ZMYM6: variants seen among roughly 807,000 people sequenced by gnomAD.
ZMYM6 encodes the protein zinc finger MYM-type containing 6.
Under a neutral mutation model 134.0 loss-of-function variants are expected in ZMYM6, and 90 were observed. That is an observed-to-expected ratio of 0.67 (90% CI 0.57 to 0.80). ZMYM6 has a LOEUF of 0.80. Ranked by LOEUF, ZMYM6 falls within the 30% of genes least tolerant of loss-of-function variation. The pLI, the probability that ZMYM6 is intolerant of heterozygous loss-of-function variation, is 0.00. For missense variants in ZMYM6, 1,362 were observed against 1,533.9 expected (o/e 0.89, Z 1.87); for synonymous variants, 481 against 524.1 (o/e 0.92, Z 1.12).
intron 14 of ZMYM6, among the ~76,000 whole-genome samples, chr1:35,002,147 A>G (rs1640892104): frequency 6.6e-6 from 1 of 152,202 alleles, no homozygotes; most frequent in African/African-American, 2.4e-5. Flanking sequence ...TGTTCTTCTA[A>G]TTCTAGCAAG....
chr1:35,002,814 A>C (rs1640901892), intron 14 of ZMYM6, among the ~76,000 whole-genome samples: 1 of 152,150 alleles, frequency 6.6e-6, no homozygotes, highest in South Asian at 2.1e-4. Flanking sequence ...TTAATATAAC[A>C]CTTAAATGGC....
chr1:35,026,877 G>C (rs1641423741), intron 2 of ZMYM6, among the ~76,000 whole-genome samples: 1 of 152,150 alleles, frequency 6.6e-6, no homozygotes, highest in Non-Finnish European at 1.5e-5. Flanking sequence ...ACCAATTTCT[G>C]ACTTCAGAGA....
chr1:35,006,435 T>G (rs879760699), intron 12 of ZMYM6, among the ~76,000 whole-genome samples: 18 of 152,236 alleles, frequency 1.2e-4, no homozygotes, highest in African/African-American at 4.1e-4. Context: ...AAAATTATTT[T>G]ATTCTTAGCT....
At chr1:34,994,201 C>T (rs1640735810) in intron 14 of ZMYM6, among the ~76,000 whole-genome samples, 1 of 152,010 alleles carries the variant, frequency 6.6e-6, no homozygotes, top group Non-Finnish European at 1.5e-5. Flanking sequence ...TCATATGAGC[C>T]TTACATTCTA....
intron 15 of ZMYM6, chr1:34,989,682 C>A (rs1640635993): frequency 6.6e-6 from 1 of 151,852 alleles, no homozygotes; most frequent in African/African-American, 2.4e-5. Flanking sequence ...GGGCAGATCA[C>A]CTGAGGTCAG....
At chr1:34,990,521 G>T (rs1029901355) in intron 15 of ZMYM6, among the ~76,000 whole-genome samples, 6 of 151,958 alleles carry the variant, frequency 3.9e-5, no homozygotes, top group African/African-American at 9.7e-5. Context: ...GATAGTCTTT[G>T]AATCAACACT....
chr1:34,990,350 G>T (rs962809518), intron 15 of ZMYM6: 16 of 230,490 alleles, frequency 6.9e-5, no homozygotes, highest in African/African-American at 3.6e-4. Flanking sequence ...GGGCATGGTG[G>T]CAGGTGCCTG....
At position 34,988,035 on chromosome 1, in the gene ZMYM6, C is replaced by A; in HGVS notation, c.3047G>T (p.Arg1016Leu). The change falls in exon 16 of 16, where the codon CGT becomes CTT. Residue 1016 changes from arginine to leucine, a missense_variant. Transcript: ENST00000357182. ...TGGAGACAACTTTTCTGCCACTAAA[C>A]GTTCACGGTGAATAAAACAATGTGT... ...AFTHCFIHRE[R>L]LVAEKLSPCL... The A allele has an allele frequency of 6.4e-7, 1 of 1,551,450 alleles. No individual in the cohort carries two copies. The highest frequency in any genetic ancestry group is 8.7e-7 in the Non-Finnish European group (1 of 1,146,898).
rs1315375075 is a variant in ZMYM6 at position 34,991,770 on chromosome 1, CA to C, written c.2146+463del. Among the ~76,000 whole-genome samples the C allele has an allele frequency of 2.7e-5, 4 of 150,736 alleles. No homozygotes were observed. In the East Asian group the frequency reaches 7.8e-4, roughly 29 times the overall value. ...GGGCAACAAGAGTGAAACTCCATCT[CA>C]AAAAAAACAAACAAACAAACAAAAA... On this transcript the variant is annotated intron_variant, in intron 15 of 15. Transcript: ENST00000357182.
At chr1:35,019,138 T>C in intron 4 of ZMYM6, 1 of 647,896 alleles carries the variant, frequency 1.5e-6, no homozygotes, top group Non-Finnish European at 2.6e-6. Flanking sequence ...TAGTAAAATT[T>C]AAAGTGATAG....
Position 34,995,384 on chromosome 1 carries a change from C to CTA in ZMYM6, c.1993-2999_1993-2998dup, listed in dbSNP as rs769394599. On this transcript the variant is annotated intron_variant, in intron 14 of 15. Coordinates refer to ENST00000357182, the MANE Select transcript of ZMYM6 (RefSeq NM_007167.4). ...ATGTTGCCTCTATGTATATAGGGTTCTATATATATATACACACACACACAC... is the reference window on the plus strand; with the variant it reads ...ATGTTGCCTCTATGTATATAGGGTTCTATATATATATATACACACACACACAC... Among the ~76,000 whole-genome samples the CTA allele has an allele frequency of 1.6e-4, 23 of 145,888 alleles. No individual in the cohort carries two copies. The East Asian group carries it at 2.9e-3, about 18-fold the overall frequency.
At chr1:34,992,772 A>T (rs970630529) in intron 14 of ZMYM6, among the ~76,000 whole-genome samples, 5 of 143,750 alleles carry the variant, frequency 3.5e-5, no homozygotes, top group Non-Finnish European at 7.6e-5. Context: ...ATAAACTATA[A>T]ATATAAAAAT....
chr1:35,019,792 C>T (rs949943416), intron 3 of ZMYM6, among the ~76,000 whole-genome samples, 190 bp from the exon 4 acceptor site: 9 of 152,096 alleles, frequency 5.9e-5, no homozygotes, highest in African/African-American at 1.9e-4. Context: ...CCCGCCTCAG[C>T]CTCTTGAGTA....
At position 35,026,326 on chromosome 1, in the gene ZMYM6, C is replaced by G. The variant is rs1253338314; in HGVS notation, c.93+4221G>C. On this transcript the variant is annotated intron_variant, in intron 2 of 15. Coordinates refer to ENST00000357182, the MANE Select transcript of ZMYM6 (RefSeq NM_007167.4). ...ACAAGCCACCGCGCCTGGCCTTCAA[C>G]TATAATTTTAATATCCAGAACAAAC... is the stretch of plus-strand genomic sequence containing the variant. Among the ~76,000 whole-genome samples the G allele has an allele frequency of 2.6e-5, 4 of 152,238 alleles. No homozygotes were observed. In the East Asian group the frequency reaches 7.7e-4, roughly 29 times the overall value.
At position 35,030,692 on chromosome 1, in the gene ZMYM6, T is replaced by C. The variant is rs905913208; in HGVS notation, c.-53A>G. On this transcript the variant is annotated 5_prime_UTR_variant, in exon 2 of 16. Transcript: ENST00000357182. ...CAGGCTCAAACGAATAGATTTCTTCTTGGTAATGGATAGTTGGACACCTAA... is the reference window on the plus strand; with the variant it reads ...CAGGCTCAAACGAATAGATTTCTTCCTGGTAATGGATAGTTGGACACCTAA... 1 of 1,528,750 alleles carries C rather than the reference T, an allele frequency of 6.5e-7. No individual in the cohort carries two copies. The allele number at this position is 1,528,750 out of a possible 1,614,324, so 94.7% of individuals were successfully genotyped here. A position where few individuals can be genotyped will look rare whatever the true frequency, so the allele number is the denominator to read the frequency against.
At chr1:34,991,229 C>A (rs960944713) in intron 15 of ZMYM6, among the ~76,000 whole-genome samples, 1 of 152,158 alleles carries the variant, frequency 6.6e-6, no homozygotes, top group African/African-American at 2.4e-5. Flanking sequence ...CATACACACA[C>A]ACATACACAC....
At chr1:35,004,457 A>G (rs1640930377) in intron 13 of ZMYM6, among the ~76,000 whole-genome samples, 1 of 152,072 alleles carries the variant, frequency 6.6e-6, no homozygotes, top group Non-Finnish European at 1.5e-5. Flanking sequence ...CAAAAATATA[A>G]AATTAGCTGG....
chr1:34,987,875 T>C lies in ZMYM6; in HGVS notation c.3207A>G (p.Glu1069=). The C allele has an allele frequency of 1.3e-6, 2 of 1,551,594 alleles. No individual in the cohort carries two copies. The highest frequency in any genetic ancestry group is 1.7e-6 in the Non-Finnish European group (2 of 1,146,952). The change falls in exon 16 of 16, where the codon GAA becomes GAG. Residue 1069 remains glutamate, a synonymous_variant. Coordinates refer to ENST00000357182, the MANE Select transcript of ZMYM6 (RefSeq NM_007167.4). The stretch of plus-strand genomic sequence containing the variant: ...TTCTCCCTCTTGATATCCAACGTAC[T>C]TCAGCATGAAGCGGTAAACTCACAT... The part of the protein sequence containing the change: ...SEHVSLPLHA[E]VRWISRGRML...
At chr1:34,991,448 G>A (rs912543870) in intron 15 of ZMYM6, among the ~76,000 whole-genome samples, 1 of 151,972 alleles carries the variant, frequency 6.6e-6, no homozygotes, top group Non-Finnish European at 1.5e-5. Context: ...TAAATATAGT[G>A]TATTCTATGA....
Sources: allele counts gnomAD v4.1 joint callset (sites outside exome capture counted in the v4.1 genomes callset), GRCh38; gene constraint gnomAD v4.1.1; transcripts MANE v1.5; gene names NCBI Gene and HGNC (gene_info 2026-07-23, HGNC 2026-07-21).